The following ANKRD17 variants were observed in gnomAD, a reference collection of about 807,000 sequenced individuals.
ANKRD17 encodes ankyrin repeat domain 17.
In ANKRD17, 19 loss-of-function variants were observed where a neutral mutation model predicts 229.7. The ratio of observed to expected loss-of-function variants is 0.08; its 90% CI spans 0.06 to 0.12. The LOEUF is 0.12. ANKRD17 is among the 10% of genes least tolerant of loss of function. The pLI is 1.00. For missense variants in ANKRD17, 2,176 were observed against 3,176.8 expected (o/e 0.68, Z 7.57); for synonymous variants, 1,112 against 1,146.1 (o/e 0.97, Z 0.60).
At chr4:73,159,594 T>TG (rs1732226823) in intron 3 of ANKRD17, among the ~76,000 whole-genome samples, 1 of 152,230 alleles carries the variant, frequency 6.6e-6, no homozygotes, top group Non-Finnish European at 1.5e-5. Context: ...TTCTATTTTT[T>TG]TTGCTGTTAA....
rs1226879393 is a variant in ANKRD17, at chr4:73,157,933, C to CA, written c.705-1768dup. 7.0e-3 allele frequency among the ~76,000 whole-genome samples: 1,062 copies of CA among 150,676 alleles called. 13 individuals are homozygous for CA. The highest frequency in any genetic ancestry group is 0.025 in the African/African-American group (1,011 of 41,086). Reference sequence around the variant, plus strand: ...TGAAACCCTGTCTCTACTAAAAATACAAAAAAAAATTAGCCGGGCATGGCA... The same window carrying CA: ...TGAAACCCTGTCTCTACTAAAAATACAAAAAAAAAATTAGCCGGGCATGGCA... On this transcript the variant is annotated intron_variant, in intron 3 of 33. Coordinates refer to ENST00000358602, the MANE Select transcript of ANKRD17 (RefSeq NM_032217.5).
chr4:73,233,563 T>A (rs1743251388), intron 1 of ANKRD17, among the ~76,000 whole-genome samples: 1 of 152,180 alleles, frequency 6.6e-6, no homozygotes, highest in African/African-American at 2.4e-5. Context: ...TTTCTTCAGT[T>A]CTTTTTGAAG....
intron 30 of ANKRD17, among the ~76,000 whole-genome samples, chr4:73,084,815 G>A (rs1442555755): frequency 1.3e-5 from 2 of 152,032 alleles, no homozygotes; most frequent in East Asian, 1.9e-4. Flanking sequence ...CTTTCTCCTT[G>A]GTACCTGTAT....
chr4:73,211,520 TG>T (rs1740253959), intron 1 of ANKRD17, among the ~76,000 whole-genome samples: 1 of 152,190 alleles, frequency 6.6e-6, no homozygotes, highest in African/African-American at 2.4e-5. Context: ...TCAAACTTTT[TG>T]TTTAGTAGTT....
Position 73,092,256 on chromosome 4 carries a change from G to T in ANKRD17, c.5372C>A (p.Ala1791Asp). The change falls in exon 29 of 34, where the codon GCT becomes GAT. Residue 1791 changes from alanine to aspartate, a missense_variant. Ala to Asp is a moderately radical substitution (Grantham distance 126). Around this residue, in one of 18 missense-constraint regions of ANKRD17, gnomAD observed 142 missense variants for 200.4 expected, o/e 0.71. Transcript: ENST00000358602. ...STRQATQLIN[A>D]LIKDPDKEID... Reference sequence around the variant, plus strand: ...TTCTTTGTCTGGATCCTTGATCAAAGCATTAATCAATTGAGTTGCTTGTCT... The same window carrying T: ...TTCTTTGTCTGGATCCTTGATCAAATCATTAATCAATTGAGTTGCTTGTCT... 5 of 1,614,076 alleles carry T rather than the reference G, an allele frequency of 3.1e-6. No individual in the cohort carries two copies. The highest frequency in any genetic ancestry group is 4.2e-6 in the Non-Finnish European group (5 of 1,180,008).
intron 1 of ANKRD17, among the ~76,000 whole-genome samples, chr4:73,241,978 C>T (rs1744082474): frequency 6.6e-6 from 1 of 151,966 alleles, no homozygotes; most frequent in African/African-American, 2.4e-5. Flanking sequence ...TCTAATAAAA[C>T]TTAAGTAATT....
chr4:73,209,990 A>C (rs1740038038), intron 1 of ANKRD17, among the ~76,000 whole-genome samples: 1 of 152,182 alleles, frequency 6.6e-6, no homozygotes, highest in Non-Finnish European at 1.5e-5. Flanking sequence ...CAGAATACTT[A>C]ATGGTGAAAG....
chr4:73,113,209 G>A, intron 24 of ANKRD17: 1 of 1,288,250 alleles, frequency 7.8e-7, no homozygotes. Context: ...GGAAAATGTG[G>A]CAGAAAAGGG....
At chr4:73,162,071 T>A (rs1013284561) in intron 2 of ANKRD17, among the ~76,000 whole-genome samples, 58 of 151,246 alleles carry the variant, frequency 3.8e-4, no homozygotes, top group Admixed American at 6.6e-4. Flanking sequence ...TTTTTTTTTT[T>A]AGACAGGGTC....
chr4:73,245,655 A>T (rs1296702863), intron 1 of ANKRD17, among the ~76,000 whole-genome samples: 1 of 152,118 alleles, frequency 6.6e-6, no homozygotes, highest in Non-Finnish European at 1.5e-5. Context: ...AATACATAAC[A>T]ATCATATATA....
At chr4:73,235,985 T>C (rs58721459) in intron 1 of ANKRD17, among the ~76,000 whole-genome samples, 50,577 of 151,682 alleles carry the variant, frequency 0.33, 9,674 homozygotes, top group Admixed American at 0.48. Context: ...ATTACAGGCA[T>C]GAGCCACCAC....
chr4:73,238,257 C>T (rs1743686917), intron 1 of ANKRD17, among the ~76,000 whole-genome samples: 1 of 152,072 alleles, frequency 6.6e-6, no homozygotes, highest in Non-Finnish European at 1.5e-5. Context: ...TATTACCAGG[C>T]CCCTTTTATG....
At chr4:73,123,798 G>C (rs951356663) in intron 18 of ANKRD17, among the ~76,000 whole-genome samples, 1 of 151,644 alleles carries the variant, frequency 6.6e-6, no homozygotes, top group African/African-American at 2.4e-5. Context: ...TGCTATGACT[G>C]GGGGGAAGTG....
chr4:73,224,288 G>C (rs1742228400), intron 1 of ANKRD17, among the ~76,000 whole-genome samples: 1 of 152,164 alleles, frequency 6.6e-6, no homozygotes, highest in African/African-American at 2.4e-5. Context: ...TGAGAAAAGT[G>C]ATGTGATGAT....
At chr4:73,207,151 C>A (rs908113217) in intron 1 of ANKRD17, among the ~76,000 whole-genome samples, 2 of 151,926 alleles carry the variant, frequency 1.3e-5, no homozygotes, top group South Asian at 4.2e-4. Flanking sequence ...AGTGATCTCA[C>A]CACAAATAAA....
intron 1 of ANKRD17, among the ~76,000 whole-genome samples, chr4:73,232,605 CCT>C (rs918228378): frequency 2.2e-4 from 34 of 152,080 alleles, no homozygotes; most frequent in Admixed American, 1.8e-3. Context: ...AGAATTAATC[CCT>C]GTGTCTTCTA....
chr4:73,149,804 A>G (rs1253945589), intron 7 of ANKRD17, among the ~76,000 whole-genome samples: 5 of 152,164 alleles, frequency 3.3e-5, no homozygotes, highest in Non-Finnish European at 5.9e-5. Context: ...AGTTGAGGCT[A>G]TAGTGAGCTA....
At chr4:73,114,143 A>C (rs573676532) in intron 23 of ANKRD17, among the ~76,000 whole-genome samples, 110 of 152,202 alleles carry the variant, frequency 7.2e-4, no homozygotes, top group Non-Finnish European at 1.2e-3. Context: ...TCCATTTAGC[A>C]GGCACTTCAG....
chr4:73,098,956 G>C, intron 25 of ANKRD17: 2 of 996,184 alleles, frequency 2.0e-6, no homozygotes, highest in Non-Finnish European at 1.6e-6. Flanking sequence ...TAGGGAGTCA[G>C]AAGGAGCCCA....
Sources: gnomAD v4.1 joint callset for allele counts (sites outside exome capture counted in the v4.1 genomes callset) on GRCh38, gnomAD v4.1.1 for gene constraint, gnomAD v4.1.1 regional missense constraint, MANE v1.5 for transcripts, NCBI Gene and HGNC (gene_info 2026-07-23, HGNC 2026-07-21) for gene names.